ZCCHC14: variants seen among roughly 807,000 people sequenced by gnomAD.
ZCCHC14 encodes zinc finger CCHC-type containing 14.
In ZCCHC14, 16 loss-of-function variants were observed where a neutral mutation model predicts 85.0. That is an observed-to-expected ratio of 0.19 (90% CI 0.13 to 0.29). ZCCHC14 has a LOEUF of 0.29. Among genes scored for constraint, ZCCHC14 ranks in the 10% least tolerant of loss-of-function variants. The pLI is 1.00. For missense variants in ZCCHC14, 1,303 were observed against 1,443.5 expected (o/e 0.90, Z 1.58); for synonymous variants, 775 against 630.7 (o/e 1.23, Z -3.43).
chr16:87,419,939 G>GA (rs1453945163), intron 5 of ZCCHC14, 62 bp from the exon 6 acceptor site: 13 of 1,434,668 alleles, frequency 9.1e-6, no homozygotes, highest in Admixed American at 2.3e-5. Context: ...CGAATTGAAA[G>GA]AAAAAAATTT....
At chr16:87,419,128 ATATTTT>A (rs975817785) in intron 6 of ZCCHC14, among the ~76,000 whole-genome samples, 1 of 100,634 alleles carries the variant, frequency 9.9e-6, no homozygotes, top group Non-Finnish European at 2.1e-5. Context: ...GGCTAATTTT[ATATTTT>A]TATTTTATTT....
At chr16:87,464,439 C>T (rs749903066) in intron 1 of ZCCHC14, among the ~76,000 whole-genome samples, 4 of 152,136 alleles carry the variant, frequency 2.6e-5, no homozygotes, top group African/African-American at 9.7e-5. Context: ...ACCCATCATC[C>T]GGTCCAATCC....
chr16:87,420,862 T>G lies in ZCCHC14; in HGVS notation c.841-146A>C, dbSNP rs949503119. Reference sequence around the variant, plus strand: ...TTTACACCTCCCGTCAGAGCTATTCTGGGGCCCACATCCACTTAGGGTGTA... The same window carrying G: ...TTTACACCTCCCGTCAGAGCTATTCGGGGGCCCACATCCACTTAGGGTGTA... On this transcript the variant is annotated intron_variant, in intron 4 of 12. Coordinates refer to ENST00000671377, the MANE Select transcript of ZCCHC14 (RefSeq NM_015144.3). The surrounding 1 kb of genome is among the most constrained non-coding windows in gnomAD (Gnocchi z 5.0). 3.4e-6 allele frequency: 2 copies of G among 590,870 alleles called. No homozygotes were observed. Among genetic ancestry groups the G allele is most frequent in the South Asian group, 4.4e-5 (2 of 45,584 alleles). 36.6% of individuals were successfully genotyped at this position (590,870 alleles called of 1,614,324 possible). A position where few individuals can be genotyped will look rare whatever the true frequency, so the allele number is the denominator to read the frequency against.
At chr16:87,481,084 G>A (rs551602434) in intron 1 of ZCCHC14, among the ~76,000 whole-genome samples, 6 of 152,296 alleles carry the variant, frequency 3.9e-5, no homozygotes, top group South Asian at 2.1e-4. Context: ...CTAAGAGGGG[G>A]CCAGTGACAC....
intron 8 of ZCCHC14, 54 bp from the exon 9 acceptor site, chr16:87,415,421 G>C (rs1597399583): frequency 1.3e-6 from 2 of 1,486,806 alleles, no homozygotes; most frequent in South Asian, 1.1e-5. Flanking sequence ...AGGACTCTGA[G>C]AACAAAGAAC....
Position 87,492,575 on chromosome 16 carries a change from CGCG to C in ZCCHC14, c.-340_-338del, listed in dbSNP as rs1049274987. 26 of 146,476 alleles carry C rather than the reference CGCG, an allele frequency of 1.8e-4. No homozygotes were observed. The highest frequency in any genetic ancestry group is 9.3e-4 in the South Asian group (5 of 5,370). The allele number at this position is 146,476 out of a possible 1,614,324, so 9.1% of individuals were successfully genotyped here. A position where few individuals can be genotyped will look rare whatever the true frequency, so the allele number is the denominator to read the frequency against. ...CGCCCGTGCCCAGCGGCGGCCGGTG[CGCG>C]GCGGCGGCGGCGGCTGCTCCTCGTC... On this transcript the variant is annotated 5_prime_UTR_variant, in exon 1 of 13. Transcript: ENST00000671377. The surrounding 1 kb of genome is among the most constrained non-coding windows in gnomAD (Gnocchi z 6.7).
In ZCCHC14 at chr16:87,492,364, AGGGCGCGCGGGCGCCGCGGGCCGGGCGG is replaced by A. The variant is rs1442251987; in HGVS notation, c.-154_-127del. On this transcript the variant is annotated 5_prime_UTR_variant, in exon 1 of 13. Coordinates refer to ENST00000671377, the MANE Select transcript of ZCCHC14 (RefSeq NM_015144.3). The surrounding 1 kb of genome is among the most constrained non-coding windows in gnomAD (Gnocchi z 6.7). ...CGCGGGCCGGGGCCGGGTCCGGGCGAGGGCGCGCGGGCGCCGCGGGCCGGGCGGGCGCCGGGGCGGGGGCGGGGACCGG... is the reference window on the plus strand; with the variant it reads ...CGCGGGCCGGGGCCGGGTCCGGGCGAGCGCCGGGGCGGGGGCGGGGACCGG... 1 of 153,590 alleles carries A rather than the reference AGGGCGCGCGGGCGCCGCGGGCCGGGCGG, an allele frequency of 6.5e-6. No homozygotes were observed. The highest frequency in any genetic ancestry group is 1.3e-5 in the Non-Finnish European group (1 of 79,840). The allele number at this position is 153,590 out of a possible 1,614,324, so 9.5% of individuals were successfully genotyped here.
rs1912782658 is a variant in ZCCHC14, at chr16:87,491,747, C to T, written c.492G>A (p.Leu164=). ...TGCCGCCGTGGCCCCCGCCGCCGTT[C>T]AGGCTGCTCTGGATCTGCGTGAGCT... ...RQELTQIQSS[L]NGGGGHGGKG... Residue 164 remains leucine, a synonymous_variant, in exon 1 of 13, where the codon CTG becomes CTA. Coordinates refer to ENST00000671377, the MANE Select transcript of ZCCHC14 (RefSeq NM_015144.3). The surrounding 1 kb of genome is among the most constrained non-coding windows in gnomAD (Gnocchi z 5.9). The T allele has an allele frequency of 6.3e-7, 1 of 1,580,704 alleles. No homozygotes were observed. Among genetic ancestry groups the T allele is most frequent in the Admixed American group, 1.8e-5 (1 of 55,404 alleles).
chr16:87,489,575 GT>G (rs1345223102), intron 1 of ZCCHC14, among the ~76,000 whole-genome samples: 1 of 152,184 alleles, frequency 6.6e-6, no homozygotes. Context: ...TGTGAGGTAG[GT>G]TACATCCCCT....
rs1454041415 is a variant in ZCCHC14, at chr16:87,408,326, T to A, written c.*1954A>T. ...TCTTTGCTTAAAAAAACCAAAAAAT[T>A]TAAAAGTTTGGCTTTCAGCACATAT... On this transcript the variant is annotated 3_prime_UTR_variant, in exon 13 of 13. Coordinates refer to ENST00000671377, the MANE Select transcript of ZCCHC14 (RefSeq NM_015144.3). 6.6e-6 allele frequency: 1 copy of A among 152,474 alleles called. No homozygotes were observed. The highest frequency in any genetic ancestry group is 2.4e-5 in the African/African-American group (1 of 41,430). The allele number at this position is 152,474 out of a possible 1,614,324, so 9.4% of individuals were successfully genotyped here. A position where few individuals can be genotyped will look rare whatever the true frequency, so the allele number is the denominator to read the frequency against.
chr16:87,439,537 T>C (rs543278934), intron 2 of ZCCHC14, among the ~76,000 whole-genome samples: 4 of 152,208 alleles, frequency 2.6e-5, no homozygotes, highest in Admixed American at 1.3e-4. Context: ...CAAAAACCTA[T>C]GATATTCCTA....
At chr16:87,447,167 C>T (rs1039062335) in intron 2 of ZCCHC14, among the ~76,000 whole-genome samples, 10 of 152,126 alleles carry the variant, frequency 6.6e-5, no homozygotes, top group African/African-American at 9.7e-5. Flanking sequence ...AAGACACATA[C>T]ATATTCTTAA....
intron 2 of ZCCHC14, among the ~76,000 whole-genome samples, chr16:87,447,399 G>C (rs1046821125): frequency 6.6e-6 from 1 of 152,178 alleles, no homozygotes; most frequent in African/African-American, 2.4e-5. Flanking sequence ...ATATGCCCAT[G>C]TGATCACTAA....
At chr16:87,481,554 A>G (rs1041187521) in intron 1 of ZCCHC14, among the ~76,000 whole-genome samples, 272 of 3,320 alleles carry the variant, frequency 0.082, no homozygotes, top group Non-Finnish European at 0.098. Context: ...GGGGGGGGGA[A>G]GGGTAAGCGG....
chr16:87,458,709 G>C (rs1032440731), intron 2 of ZCCHC14, among the ~76,000 whole-genome samples: 2 of 152,200 alleles, frequency 1.3e-5, no homozygotes, highest in African/African-American at 2.4e-5. Context: ...GGGACGGTGC[G>C]GGGCGGTTGG....
At chr16:87,478,375 T>A (rs1005639455) in intron 1 of ZCCHC14, among the ~76,000 whole-genome samples, 1 of 151,926 alleles carries the variant, frequency 6.6e-6, no homozygotes, top group Non-Finnish European at 1.5e-5. Flanking sequence ...TGGAAAACAA[T>A]AGAAAAAAGG....
At chr16:87,431,472 GAAA>G (rs537437083) in intron 3 of ZCCHC14, among the ~76,000 whole-genome samples, 10 of 76,772 alleles carry the variant, frequency 1.3e-4, no homozygotes, top group East Asian at 4.3e-4. Flanking sequence ...GGCTCTGTCT[GAAA>G]AAAAAAAAAA....
chr16:87,426,229 GA>G (rs1302987820), intron 3 of ZCCHC14, among the ~76,000 whole-genome samples: 2 of 152,194 alleles, frequency 1.3e-5, no homozygotes, highest in Non-Finnish European at 2.9e-5. Context: ...GCCAGAAGGG[GA>G]ACCGGCCGTT....
chr16:87,413,606 C>T (rs187366880), intron 10 of ZCCHC14, among the ~76,000 whole-genome samples: 222 of 152,170 alleles, frequency 1.5e-3, no homozygotes, highest in African/African-American at 5.2e-3. Flanking sequence ...ACTGCTCCTC[C>T]GATTTCTATT....
Sources: gnomAD v4.1 joint callset for allele counts (sites outside exome capture counted in the v4.1 genomes callset) on GRCh38, gnomAD v4.1.1 for gene constraint, Gnocchi (gnomAD v3.1) non-coding constraint, MANE v1.5 for transcripts, NCBI Gene and HGNC (gene_info 2026-07-23, HGNC 2026-07-21) for gene names.